Variants in CSMD3 observed in about 807,000 individuals in gnomAD.
CSMD3 encodes the protein CUB and sushi domain-containing protein 3.
CSMD3 carries 177 observed loss-of-function variants against 435.2 expected under a neutral mutation model. That is an observed-to-expected ratio of 0.41 (90% CI 0.36 to 0.46). The LOEUF (loss-of-function observed/expected upper bound fraction) is 0.46. Among genes scored for constraint, CSMD3 ranks in the 20% least tolerant of loss-of-function variants. CSMD3 has a pLI of 0.34. For missense variants in CSMD3, 4,265 were observed against 4,504.6 expected, an observed-to-expected ratio of 0.95 and a Z score of 1.52; for synonymous variants, 1,656 against 1,520.5, an observed-to-expected ratio of 1.09 and a Z score of -2.07.
At chr8:112,874,266 A>G (rs1454937442) in intron 10 of CSMD3, among the ~76,000 whole-genome samples, 1 of 152,064 alleles carries the variant, frequency 6.6e-6, no homozygotes, top group Non-Finnish European at 1.5e-5. Flanking sequence ...GCACTGTGGT[A>G]TGAGAGACTG....
intron 32 of CSMD3, among the ~76,000 whole-genome samples, chr8:112,410,477 T>G (rs1832237753): frequency 7.4e-6 from 1 of 134,764 alleles, no homozygotes; most frequent in Admixed American, 8.2e-5. Context: ...AATCCCAAGC[T>G]ACTTCCAAAA....
chr8:112,410,511 T>TATAC (rs1554670569), intron 32 of CSMD3, among the ~76,000 whole-genome samples: 29 of 142,146 alleles, frequency 2.0e-4, no homozygotes, highest in African/African-American at 7.1e-4. Context: ...TATATATATA[T>TATAC]ATATATATGT....
At chr8:112,791,995 C>T (rs80271076) in intron 13 of CSMD3, among the ~76,000 whole-genome samples, 3,865 of 152,208 alleles carry the variant, frequency 0.025, 80 homozygotes, top group East Asian at 0.074. Context: ...CATACACTTT[C>T]TAGCCATCTG....
intron 3 of CSMD3, among the ~76,000 whole-genome samples, chr8:113,237,641 T>G (rs1224931748): frequency 2.0e-5 from 3 of 152,196 alleles, no homozygotes. Flanking sequence ...TTACTCAGAT[T>G]GTTTAATTAA....
intron 9 of CSMD3, among the ~76,000 whole-genome samples, chr8:112,937,618 T>G (rs188666555): frequency 1.2e-4 from 18 of 152,106 alleles, no homozygotes; most frequent in Non-Finnish European, 2.5e-4. Flanking sequence ...CCCACAGTAC[T>G]AGGATTACAG....
intron 17 of CSMD3, among the ~76,000 whole-genome samples, chr8:112,664,898 T>C (rs13255029): frequency 0.21 from 31,267 of 152,128 alleles, 4,097 homozygotes; most frequent in Non-Finnish European, 0.3. Flanking sequence ...TTTTATCTCA[T>C]GCAGTCTGTG....
intron 4 of CSMD3, among the ~76,000 whole-genome samples, chr8:113,112,418 T>C (rs1462402809): frequency 5.7e-5 from 1 of 17,636 alleles, no homozygotes; most frequent in Non-Finnish European, 9.4e-5. Flanking sequence ...TATATATATA[T>C]ATATATATAT....
At chr8:112,945,356 T>G (rs1207398607) in intron 9 of CSMD3, among the ~76,000 whole-genome samples, 1 of 151,720 alleles carries the variant, frequency 6.6e-6, no homozygotes, top group Non-Finnish European at 1.5e-5. Flanking sequence ...TGAGCTAAAA[T>G]AGAAAGCATG....
intron 31 of CSMD3, among the ~76,000 whole-genome samples, chr8:112,477,541 G>A (rs1199593335): frequency 6.6e-6 from 1 of 152,066 alleles, no homozygotes; most frequent in Admixed American, 6.6e-5. Flanking sequence ...TGAATGTCTT[G>A]GTGCTGTCCT....
intron 3 of CSMD3, among the ~76,000 whole-genome samples, chr8:113,261,701 C>T (rs1368447965): frequency 6.6e-6 from 1 of 151,988 alleles, no homozygotes; most frequent in Non-Finnish European, 1.5e-5. Context: ...AACACATTTG[C>T]TTATTTCAAC....
intron 19 of CSMD3, among the ~76,000 whole-genome samples, chr8:112,646,146 T>C (rs940385999): frequency 1.3e-5 from 2 of 152,172 alleles, no homozygotes; most frequent in Non-Finnish European, 2.9e-5. Context: ...ATGATATGAA[T>C]TTGTATGATG....
At chr8:112,779,823 T>G (rs1377891760) in intron 13 of CSMD3, among the ~76,000 whole-genome samples, 5 of 152,108 alleles carry the variant, frequency 3.3e-5, no homozygotes, top group African/African-American at 1.2e-4. Context: ...CATTGGGATT[T>G]TATTTAATCA....
chr8:113,345,181 C>G (rs2132870677), intron 1 of CSMD3, among the ~76,000 whole-genome samples: 1 of 152,134 alleles, frequency 6.6e-6, no homozygotes, highest in South Asian at 2.1e-4. Context: ...GATAAATATT[C>G]AAACAAAGGA....
intron 10 of CSMD3, among the ~76,000 whole-genome samples, chr8:112,861,447 G>C (rs2080824674): frequency 6.6e-6 from 1 of 151,844 alleles, no homozygotes; most frequent in African/African-American, 2.4e-5. Flanking sequence ...TGCCAGAACA[G>C]ACATCTTGCT....
chr8:112,639,339 G>A (rs893566510), intron 20 of CSMD3, among the ~76,000 whole-genome samples: 1 of 152,064 alleles, frequency 6.6e-6, no homozygotes, highest in Non-Finnish European at 1.5e-5. Context: ...AAATATGCTT[G>A]TTTATTTTAG....
At chr8:112,320,400 C>A (rs954604586) in intron 45 of CSMD3, among the ~76,000 whole-genome samples, 1 of 152,126 alleles carries the variant, frequency 6.6e-6, no homozygotes. Context: ...TCAGTGTTTA[C>A]TTTATTCCAG....
At position 113,221,007 on chromosome 8, in the gene CSMD3, G is replaced by C. The variant is rs559076256; in HGVS notation, c.515-47091C>G. On this transcript the variant is annotated intron_variant, in intron 3 of 70. Coordinates refer to ENST00000297405, the MANE Select transcript of CSMD3 (RefSeq NM_198123.2). ...AAAGAGCAAGGAATAAGAGAAGTATGTTCTTCAGAAATATCAATGTCATAA... is the reference window on the plus strand; with the variant it reads ...AAAGAGCAAGGAATAAGAGAAGTATCTTCTTCAGAAATATCAATGTCATAA... Among the ~76,000 whole-genome samples, 197 of 151,424 alleles carry C rather than the reference G, an allele frequency of 1.3e-3. 3 individuals are homozygous for C. The highest frequency in any genetic ancestry group is 1.9e-4 in the Non-Finnish European group (13 of 67,556).
chr8:113,359,146 T>C (rs1002084126), intron 1 of CSMD3, among the ~76,000 whole-genome samples: 11 of 152,332 alleles, frequency 7.2e-5, no homozygotes, highest in Non-Finnish European at 1.3e-4. Flanking sequence ...TCTAAGTTTG[T>C]ACGTTTGACC....
rs577343496 is a variant in CSMD3, at chr8:112,277,815, A to G, written c.9508+3359T>C. The stretch of plus-strand genomic sequence containing the variant: ...GAATGAGAACCAAGTGAAAGGGGAC[A>G]CCCCTTATAAAATCATCAGATCTTA... On this transcript the variant is annotated intron_variant, in intron 59 of 70. Coordinates refer to ENST00000297405, the MANE Select transcript of CSMD3 (RefSeq NM_198123.2). Among the ~76,000 whole-genome samples, 6 of 152,268 alleles carry G rather than the reference A, an allele frequency of 3.9e-5. No individual in the cohort carries two copies. The South Asian group carries it at 1.2e-3, about 32-fold the overall frequency.
Sources: allele counts gnomAD v4.1 joint callset (sites outside exome capture counted in the v4.1 genomes callset), GRCh38; gene constraint gnomAD v4.1.1; transcripts MANE v1.5; gene names NCBI Gene and HGNC (gene_info 2026-07-23, HGNC 2026-07-21).